DNAH6: variants seen among roughly 807,000 people sequenced by gnomAD.
DNAH6 encodes dynein axonemal heavy chain 6.
Under a neutral mutation model 491.4 loss-of-function variants are expected in DNAH6, and 340 were observed. That is an observed-to-expected ratio of 0.69 (90% confidence interval 0.63 to 0.76). The LOEUF (loss-of-function observed/expected upper bound fraction) is 0.76. DNAH6 is among the 30% of genes least tolerant of loss of function. The probability of loss-of-function intolerance (pLI) is 0.00; values close to 1 mark genes in which losing one functional copy is unlikely to be tolerated. For missense variants in DNAH6, 4,443 were observed against 4,972.2 expected, an observed-to-expected ratio of 0.89 and a Z score of 3.20; for synonymous variants, 1,603 against 1,686.1, an observed-to-expected ratio of 0.95 and a Z score of 1.21.
At chr2:84,699,876 T>C in intron 48 of DNAH6, 142 bp downstream of exon 48, 3 of 786,244 alleles carry the variant, frequency 3.8e-6, no homozygotes, top group Non-Finnish European at 5.6e-6. Flanking sequence ...AGAATGACCG[T>C]GACAATCATA....
At chr2:84,516,435 G>A (rs768198821), upstream of DNAH6, 1 of 152,228 alleles carries the variant, frequency 6.6e-6, no homozygotes, top group Non-Finnish European at 1.5e-5. Flanking sequence ...GCCTGGCGAC[G>A]TGTTACTCAG....
At chr2:84,482,774 A>T in the DNAH6 span, among the ~76,000 whole-genome samples, 1 of 152,228 alleles carries the variant, frequency 6.6e-6, no homozygotes, top group Non-Finnish European at 1.5e-5. Context: ...GTTGAAGGCA[A>T]TCATAGTTCT....
At chr2:84,816,823 G>A (rs930532886) in intron 76 of DNAH6, among the ~76,000 whole-genome samples, 1 of 152,114 alleles carries the variant, frequency 6.6e-6, no homozygotes, top group Non-Finnish European at 1.5e-5. Context: ...AAACCAGACA[G>A]AAAGAAAGCC....
the DNAH6 span, among the ~76,000 whole-genome samples, chr2:84,470,893 C>T: frequency 4.6e-5 from 7 of 152,212 alleles, no homozygotes; most frequent in South Asian, 1.5e-3. Flanking sequence ...CTGCAAAGGC[C>T]CCGAGCTCTG....
the DNAH6 span, among the ~76,000 whole-genome samples, chr2:84,461,920 C>G: frequency 2.0e-5 from 3 of 152,152 alleles, no homozygotes; most frequent in Non-Finnish European, 4.4e-5. Flanking sequence ...CTCACCCCCA[C>G]ATCCCAGCCG....
intron 37 of DNAH6, among the ~76,000 whole-genome samples, chr2:84,665,040 T>C (rs1322952033): frequency 6.6e-6 from 1 of 152,198 alleles, no homozygotes; most frequent in Non-Finnish European, 1.5e-5. Flanking sequence ...AAGATGTTCT[T>C]TGAAACCAAT....
At chr2:84,505,012 C>T in the DNAH6 span, among the ~76,000 whole-genome samples, 2 of 152,140 alleles carry the variant, frequency 1.3e-5, no homozygotes, top group Admixed American at 1.3e-4. Context: ...TTGCCATTTA[C>T]ATAGGTCTTA....
Position 84,528,922 on chromosome 2 carries a change from G to C in DNAH6, c.418G>C (p.Glu140Gln). The C allele has an allele frequency of 6.5e-7, 1 of 1,544,098 alleles. No homozygotes were observed. The highest frequency in any genetic ancestry group is 8.7e-7 in the Non-Finnish European group (1 of 1,144,710). Residue 140 changes from glutamate to glutamine, a missense_variant, in exon 4 of 77, where the codon GAG becomes CAG. Transcript: ENST00000389394. ...KKMQIHRPYV[E>Q]VFSPSPPKLP... ...TGTTTAGATTCATCGGCCCTATGTTGAGGTGTTCTCTCCCTCTCCTCCTAA... is the reference window on the plus strand; with the variant it reads ...TGTTTAGATTCATCGGCCCTATGTTCAGGTGTTCTCTCCCTCTCCTCCTAA...
At chr2:84,800,193 A>T (rs955546176) in intron 70 of DNAH6, among the ~76,000 whole-genome samples, 1 of 152,188 alleles carries the variant, frequency 6.6e-6, no homozygotes, top group Non-Finnish European at 1.5e-5. Flanking sequence ...AAGCCAATTG[A>T]TTGTACACAA....
At chr2:84,683,421 T>TTA (rs1693992397) in intron 42 of DNAH6, among the ~76,000 whole-genome samples, 1 of 135,276 alleles carries the variant, frequency 7.4e-6, no homozygotes, top group African/African-American at 3.1e-5. Context: ...TATTTTTTTT[T>TTA]TTTTTTTTTT....
At chr2:84,522,859 G>A (rs1350992075) in intron 2 of DNAH6, among the ~76,000 whole-genome samples, 1 of 151,982 alleles carries the variant, frequency 6.6e-6, no homozygotes. Flanking sequence ...TTCTGGATTC[G>A]ATTTGCAAGC....
At chr2:84,818,483 T>TAAAA (rs1396895235) in intron 76 of DNAH6, among the ~76,000 whole-genome samples, 18 of 35,550 alleles carry the variant, frequency 5.1e-4, no homozygotes, top group East Asian at 2.1e-3. Context: ...AGACCCTATC[T>TAAAA]CAAAAAAAAA....
intron 2 of DNAH6, among the ~76,000 whole-genome samples, chr2:84,520,073 G>T (rs1160415317): frequency 6.6e-6 from 1 of 151,878 alleles, no homozygotes; most frequent in African/African-American, 2.4e-5. Flanking sequence ...ATTTCAAATG[G>T]TACAGTAAAA....
intron 11 of DNAH6, among the ~76,000 whole-genome samples, chr2:84,560,518 TTACA>T (rs1558716240): frequency 6.6e-6 from 1 of 151,784 alleles, no homozygotes; most frequent in Non-Finnish European, 1.5e-5. Flanking sequence ...TGCAGGTTAG[TTACA>T]TATGTATACA....
At chr2:84,683,508 C>T (rs376850986) in intron 42 of DNAH6, among the ~76,000 whole-genome samples, 5 of 148,700 alleles carry the variant, frequency 3.4e-5, no homozygotes, top group Admixed American at 6.7e-5. Context: ...CTGCAACCTC[C>T]GCCTCCTGGG....
chr2:84,694,512 A>G, intron 46 of DNAH6, 32 bp downstream of exon 46: 1 of 1,481,666 alleles, frequency 6.7e-7, no homozygotes, highest in Non-Finnish European at 9.2e-7. Flanking sequence ...GGGTGAGAAC[A>G]GGAAATGTAT....
At chr2:84,465,419 C>G in the DNAH6 span, among the ~76,000 whole-genome samples, 2 of 151,852 alleles carry the variant, frequency 1.3e-5, no homozygotes, top group Non-Finnish European at 2.9e-5. Flanking sequence ...GGGGTGAACC[C>G]GGGAGGCGGA....
rs899711471 is a variant in DNAH6, at chr2:84,686,706, T to C, written c.7137+149T>C. 5.4e-5 allele frequency: 30 copies of C among 552,378 alleles called. 1 individual carries two copies. The highest frequency in any genetic ancestry group is 8.7e-5 in the Non-Finnish European group (27 of 310,204). 34.2% of individuals were successfully genotyped at this position (552,378 alleles called of 1,614,324 possible). On this transcript the variant is annotated intron_variant, in intron 44 of 76. Coordinates refer to ENST00000389394, the MANE Select transcript of DNAH6 (RefSeq NM_001370.2). ...AGCAAACTATGGCCCATGAGCCACA[T>C]CTGCCTGCTGCCTATTTTTGTAAGC...
In DNAH6 at chr2:84,697,698, G is replaced by A. The variant is rs1249012278; in HGVS notation, c.7648G>A (p.Val2550Ile). Reference protein sequence around the residue: ...LAATRPRAKEVGISEGNRDEV... With the variant: ...LAATRPRAKEIGISEGNRDEV... ...GGCCACCAGACCAAGAGCAAAAGAA[G>A]TAGGAATTTCTGAGGGGAACAGAGA... The change falls in exon 47 of 77, where the codon GTA becomes ATA. Residue 2550 changes from valine to isoleucine, a missense_variant. By Grantham distance (29) the Val-to-Ile change is conservative (BLOSUM62 3). This residue lies in a region of DNAH6 where 2,977 missense variants were observed against 3,296.6 expected (regional missense o/e 0.90). Coordinates refer to ENST00000389394, the MANE Select transcript of DNAH6 (RefSeq NM_001370.2). The A allele has an allele frequency of 6.4e-7, 1 of 1,551,888 alleles. No homozygotes were observed. Among genetic ancestry groups the A allele is most frequent in the Non-Finnish European group, 8.7e-7 (1 of 1,147,016 alleles).
Sources: gnomAD v4.1 joint callset for allele counts (sites outside exome capture counted in the v4.1 genomes callset) on GRCh38, gnomAD v4.1.1 for gene constraint, gnomAD v4.1.1 regional missense constraint, MANE v1.5 for transcripts, NCBI Gene and HGNC (gene_info 2026-07-23, HGNC 2026-07-21) for gene names.